Variants in ETNK1 observed in about 807,000 individuals in gnomAD.
The protein encoded by ETNK1 is putative protein product of Nbla10396.
In ETNK1, 8 loss-of-function variants were observed where a neutral mutation model predicts 45.1. The ratio of observed to expected loss-of-function variants is 0.18; its 90% CI spans 0.10 to 0.32. The LOEUF (loss-of-function observed/expected upper bound fraction) is 0.32, where lower values mean the gene tolerates loss of function less well. Among genes scored for constraint, ETNK1 ranks in the 10% least tolerant of loss-of-function variants. The pLI is 1.00. For synonymous variants in ETNK1, 152 were observed against 151.9 expected (o/e 1.00, Z -0.01); for missense variants, 302 against 430.6 (o/e 0.70, Z 2.64).
intron 6 of ETNK1, among the ~76,000 whole-genome samples, chr12:22,680,036 T>A (rs1954200159): frequency 6.6e-6 from 1 of 152,132 alleles, no homozygotes. Context: ...TTTAAAGCTG[T>A]GTGACAAATT....
At chr12:22,651,744 GTGCCTCCCAGGTTCAAGTGCAATCTC>G (rs1453764301) in intron 2 of ETNK1, among the ~76,000 whole-genome samples, 5 of 147,526 alleles carry the variant, frequency 3.4e-5, no homozygotes, top group African/African-American at 5.1e-5. Flanking sequence ...GTGTGCAGTG[GTGCCTCCCAGGTTCAAGTGCAATCTC>G]TGCCTCCCAG....
At chr12:22,668,551 G>A (rs1954077335) in intron 4 of ETNK1, among the ~76,000 whole-genome samples, 1 of 151,788 alleles carries the variant, frequency 6.6e-6, no homozygotes, top group Non-Finnish European at 1.5e-5. Context: ...TTTAAGCTTT[G>A]TGTCTTGTAC....
At chr12:22,681,140 T>C (rs1954211592) in intron 6 of ETNK1, among the ~76,000 whole-genome samples, 1 of 152,108 alleles carries the variant, frequency 6.6e-6, no homozygotes, top group Non-Finnish European at 1.5e-5. Context: ...GTTTTCTGCC[T>C]TTGTTTCTCA....
intron 4 of ETNK1, 119 bp from the exon 5 acceptor site, chr12:22,671,153 A>G (rs1025880295): frequency 6.6e-6 from 5 of 758,126 alleles, no homozygotes; most frequent in African/African-American, 1.7e-5. Flanking sequence ...TCACAAGTGC[A>G]TGTAATCAAG....
chr12:22,683,783 GTTTCTACTTAGAATA>G (rs1954235133), intron 6 of ETNK1, among the ~76,000 whole-genome samples: 1 of 152,020 alleles, frequency 6.6e-6, no homozygotes, highest in Non-Finnish European at 1.5e-5. Flanking sequence ...CTTTAATACT[GTTTCTACTTAGAATA>G]TTTCTAGTTA....
chr12:22,656,391 C>CT (rs977432253), intron 2 of ETNK1: 1 of 985,248 alleles, frequency 1.0e-6, no homozygotes, highest in African/African-American at 1.7e-5. Context: ...GCAGGGCCTC[C>CT]TTGTCTTCTG....
intron 1 of ETNK1, among the ~76,000 whole-genome samples, chr12:22,635,383 A>G (rs1018410234): frequency 6.6e-6 from 1 of 152,214 alleles, no homozygotes; most frequent in African/African-American, 2.4e-5. Context: ...CTTGCTCACC[A>G]TGGGATACCA....
At chr12:22,678,827 G>C (rs1002917058) in intron 6 of ETNK1, among the ~76,000 whole-genome samples, 4 of 152,210 alleles carry the variant, frequency 2.6e-5, no homozygotes, top group African/African-American at 9.6e-5. Context: ...GTAGAGGCCT[G>C]AACTCTGCTT....
intron 2 of ETNK1, among the ~76,000 whole-genome samples, chr12:22,657,375 A>G (rs1470012146): frequency 6.6e-6 from 1 of 152,208 alleles, no homozygotes; most frequent in African/African-American, 2.4e-5. Flanking sequence ...ATAATTTGAC[A>G]ATTTACAGTG....
intron 1 of ETNK1, among the ~76,000 whole-genome samples, chr12:22,636,079 C>G (rs960766662): frequency 2.6e-5 from 4 of 152,074 alleles, no homozygotes; most frequent in African/African-American, 7.2e-5. Context: ...GGGAGGATTG[C>G]TTCAGCCTGG....
chr12:22,662,425 A>C, intron 4 of ETNK1, among the ~76,000 whole-genome samples: 1 of 139,778 alleles, frequency 7.2e-6, no homozygotes, highest in South Asian at 2.2e-4. Flanking sequence ...ACTGGATCTC[A>C]GTATGTCACC....
intron 2 of ETNK1, among the ~76,000 whole-genome samples, chr12:22,654,971 G>A (rs1047847476): frequency 6.6e-6 from 1 of 152,052 alleles, no homozygotes; most frequent in African/African-American, 2.4e-5. Context: ...TAACTTGTAG[G>A]AAGTTTTTGT....
Position 22,625,343 on chromosome 12 carries a change from G to C in ETNK1, c.-88G>C. ...CCCTCCCGCGAGGGCGCCCCGGGAC[G>C]GAAGGATCCACCAGTCTGTCGGCGC... On this transcript the variant is annotated 5_prime_UTR_variant, in exon 1 of 8. Transcript: ENST00000266517. 6.3e-7 allele frequency: 1 copy of C among 1,577,916 alleles called. No homozygotes were observed. The highest frequency in any genetic ancestry group is 8.6e-7 in the Non-Finnish European group (1 of 1,164,490).
intron 1 of ETNK1, among the ~76,000 whole-genome samples, chr12:22,633,216 G>C (rs1330003494): frequency 6.6e-6 from 1 of 152,036 alleles, no homozygotes; most frequent in East Asian, 1.9e-4. Context: ...TTTCACTTAT[G>C]GTATATCTTT....
chr12:22,625,455 C>T lies in ETNK1; in HGVS notation c.25C>T (p.Pro9Ser). Residue 9 changes from proline (P) to serine (S), a missense_variant, in exon 1 of 8, where the codon CCC becomes TCC. Physicochemically the swap from Pro to Ser is moderately conservative, Grantham distance 74. Coordinates refer to ENST00000266517, the MANE Select transcript of ETNK1 (RefSeq NM_018638.5). The stretch of plus-strand genomic sequence containing the variant: ...CATGGCCAATTACATCCACGTCCCT[C>T]CCGGCTCCCCGGAGGTGCCCAAGCT... MANYIHVP[P>S]GSPEVPKLNV... is the part of the protein sequence containing the mutation. The T allele has an allele frequency of 6.3e-7, 1 of 1,596,210 alleles. No homozygotes were observed. The highest frequency in any genetic ancestry group is 8.5e-7 in the Non-Finnish European group (1 of 1,171,876).
At chr12:22,668,517 A>AT (rs983421586) in intron 4 of ETNK1, among the ~76,000 whole-genome samples, 52 of 150,840 alleles carry the variant, frequency 3.4e-4, no homozygotes, top group Non-Finnish European at 5.9e-4. Context: ...GTTAATGCAG[A>AT]TTTTTTTTTT....
rs548340922 is a variant in ETNK1 at position 22,685,335 on chromosome 12, T to G, written c.*381T>G. The G allele has an allele frequency of 6.3e-6, 1 of 157,704 alleles. No homozygotes were observed. Among genetic ancestry groups the G allele is most frequent in the Admixed American group, 6.4e-5 (1 of 15,564 alleles). 9.8% of individuals were successfully genotyped at this position (157,704 alleles called of 1,614,324 possible). ...ATGAAAATGTCCCAAATAAGTTTTT[T>G]AAGTTTTACTTTAATAAGATTAATT... On this transcript the variant is annotated 3_prime_UTR_variant, in exon 8 of 8. Transcript: ENST00000266517.
intron 6 of ETNK1, among the ~76,000 whole-genome samples, chr12:22,680,708 T>A (rs1359803803): frequency 6.6e-6 from 1 of 152,192 alleles, no homozygotes; most frequent in Non-Finnish European, 1.5e-5. Flanking sequence ...AGGGTATACA[T>A]GTTTTGAAAT....
intron 4 of ETNK1, among the ~76,000 whole-genome samples, chr12:22,661,858 A>G (rs1954002614): frequency 6.6e-6 from 1 of 152,066 alleles, no homozygotes; most frequent in Non-Finnish European, 1.5e-5. Context: ...CACTGTATTC[A>G]ATTTCTGTTT....
Sources: allele counts gnomAD v4.1 joint callset (sites outside exome capture counted in the v4.1 genomes callset), GRCh38; gene constraint gnomAD v4.1.1; transcripts MANE v1.5; gene names NCBI Gene and HGNC (gene_info 2026-07-23, HGNC 2026-07-21).